CRTAC1: variants seen among roughly 807,000 people sequenced by gnomAD.
The protein encoded by CRTAC1 is cartilage acidic protein 1, also known as acidic secreted protein in cartilage.
A neutral mutation model predicts 67.8 loss-of-function variants in CRTAC1; 37 were observed. The ratio of observed to expected loss-of-function variants is 0.55; its 90% confidence interval spans 0.42 to 0.72. The LOEUF is 0.72. CRTAC1 is among the 30% of genes least tolerant of loss of function. The pLI, the probability that CRTAC1 is intolerant of heterozygous loss-of-function variation, is 0.00. For missense variants in CRTAC1, 780 were observed against 931.6 expected (o/e 0.84, Z 2.12); for synonymous variants, 348 against 371.0 (o/e 0.94, Z 0.71).
intron 2 of CRTAC1, among the ~76,000 whole-genome samples, chr10:98,005,393 C>A (rs1842771442): frequency 1.3e-5 from 2 of 150,712 alleles, no homozygotes; most frequent in Non-Finnish European, 3.0e-5. Flanking sequence ...GCGTGAGCCA[C>A]CATGCCTGGC....
At chr10:97,879,900 A>G (rs2050190385) in intron 14 of CRTAC1, 1 of 1,132,832 alleles carries the variant, frequency 8.8e-7, no homozygotes. Context: ...AGAAGAAATT[A>G]CCAGTTTAGA....
chr10:98,002,177 G>T (rs1202300785), intron 2 of CRTAC1, among the ~76,000 whole-genome samples: 13 of 152,180 alleles, frequency 8.5e-5, no homozygotes, highest in Admixed American at 8.5e-4. Context: ...ATTGGAGACA[G>T]GGCATACGTC....
chr10:97,953,225 G>A (rs555676146), intron 2 of CRTAC1, among the ~76,000 whole-genome samples: 6 of 152,236 alleles, frequency 3.9e-5, no homozygotes, highest in African/African-American at 1.4e-4. Context: ...TCAAGCCTAG[G>A]CATCTGCAAG....
intron 11 of CRTAC1, among the ~76,000 whole-genome samples, chr10:97,885,260 G>T (rs1279950560): frequency 6.6e-6 from 1 of 152,190 alleles, no homozygotes; most frequent in Non-Finnish European, 1.5e-5. Flanking sequence ...AGCTACTCAG[G>T]AGGATGAGGC....
At position 98,003,617 on chromosome 10, in the gene CRTAC1, A is replaced by G. The variant is rs1842732987; in HGVS notation, c.224+7521T>C. On this transcript the variant is annotated intron_variant, in intron 2 of 14. Coordinates refer to ENST00000370597, the MANE Select transcript of CRTAC1 (RefSeq NM_018058.7). ...TACATTGGGCCTACTCAGATAATCCAGAATATTCTCCCCATTCCAAGGTCT... is the reference window on the plus strand; with the variant it reads ...TACATTGGGCCTACTCAGATAATCCGGAATATTCTCCCCATTCCAAGGTCT... 2.0e-5 allele frequency among the ~76,000 whole-genome samples: 3 copies of G among 152,384 alleles called. No individual in the cohort carries two copies. In the South Asian group the frequency reaches 6.2e-4, roughly 32 times the overall value.
At chr10:97,912,416 C>T (rs1003456488) in intron 5 of CRTAC1, among the ~76,000 whole-genome samples, 2 of 152,170 alleles carry the variant, frequency 1.3e-5, no homozygotes, top group African/African-American at 4.8e-5. Context: ...CCCATTTCCC[C>T]TAGCCACATT....
At chr10:97,909,402 C>T (rs2050658515) in intron 5 of CRTAC1, among the ~76,000 whole-genome samples, 1 of 152,196 alleles carries the variant, frequency 6.6e-6, no homozygotes, top group African/African-American at 2.4e-5. Context: ...CTCTGTGACC[C>T]TGGGCAATTT....
intron 2 of CRTAC1, among the ~76,000 whole-genome samples, chr10:97,956,589 A>G (rs1285803811): frequency 1.3e-5 from 2 of 148,402 alleles, no homozygotes; most frequent in African/African-American, 4.9e-5. Flanking sequence ...CAAAACAGAA[A>G]ACCTACCACT....
intron 5 of CRTAC1, among the ~76,000 whole-genome samples, chr10:97,913,175 G>A (rs1423685488): frequency 6.6e-6 from 1 of 152,132 alleles, no homozygotes; most frequent in Admixed American, 6.5e-5. Context: ...TGGGATGTGA[G>A]GATCAAGTGC....
chr10:98,028,820 G>C lies in CRTAC1; in HGVS notation c.24+1629C>G, dbSNP rs1019482443. Among the ~76,000 whole-genome samples, 12 of 152,174 alleles carry C rather than the reference G, an allele frequency of 7.9e-5. 1 individual carries two copies. The highest frequency in any genetic ancestry group is 7.8e-4 in the Admixed American group (12 of 15,288). On this transcript the variant is annotated intron_variant, in intron 1 of 14. Transcript: ENST00000370597. Reference sequence around the variant, plus strand: ...CATAAAATATCTCCAGGCTGAAGCAGGTACCCTAGGAGTTTGAACATCCAC... The same window carrying C: ...CATAAAATATCTCCAGGCTGAAGCACGTACCCTAGGAGTTTGAACATCCAC...
At chr10:97,869,023 G>A (rs1056113606) in intron 14 of CRTAC1, 2 of 152,236 alleles carry the variant, frequency 1.3e-5, no homozygotes, top group Admixed American at 6.5e-5. Context: ...AAGTAACTGG[G>A]AAATTGCAGA....
In CRTAC1 at chr10:97,923,728, T is replaced by G. The variant is rs1266161827; in HGVS notation, c.422-328A>C. 2.6e-5 allele frequency among the ~76,000 whole-genome samples: 4 copies of G among 152,128 alleles called. No individual in the cohort carries two copies. In the East Asian group the frequency reaches 7.7e-4, roughly 29 times the overall value. Reference sequence around the variant, plus strand: ...CCTGCCCCGTGCTCCTGCAACAGCATCAAGGAGCTCCTGGGACTGCAATAC... The same window carrying G: ...CCTGCCCCGTGCTCCTGCAACAGCAGCAAGGAGCTCCTGGGACTGCAATAC... On this transcript the variant is annotated intron_variant, in intron 3 of 14. Transcript: ENST00000370597.
chr10:97,998,273 A>G (rs1227161193), intron 2 of CRTAC1, among the ~76,000 whole-genome samples: 1 of 152,228 alleles, frequency 6.6e-6, no homozygotes, highest in Non-Finnish European at 1.5e-5. Context: ...GTTCCTGGCC[A>G]AGGAAAGACT....
intron 2 of CRTAC1, among the ~76,000 whole-genome samples, chr10:97,947,830 A>C (rs1479221709): frequency 2.6e-5 from 4 of 152,164 alleles, no homozygotes; most frequent in Admixed American, 1.3e-4. Flanking sequence ...AGTTGGGAGG[A>C]TCGCTTGAGA....
At chr10:97,890,609 C>T (rs1326031100) in intron 11 of CRTAC1, among the ~76,000 whole-genome samples, 7 of 152,152 alleles carry the variant, frequency 4.6e-5, no homozygotes, top group East Asian at 3.9e-4. Flanking sequence ...GTTGCCCCTT[C>T]CTCTCTGCAC....
At position 98,030,379 on chromosome 10, in the gene CRTAC1, C is replaced by T; in HGVS notation, c.24+70G>A. ...GTCCCCGCCACCCTTGCGGGCGGAT[C>T]CGGGGGGGCGCGCAGAGCTGGAGAA... On this transcript the variant is annotated intron_variant, in intron 1 of 14. Transcript: ENST00000370597. This position sits in a 1 kb window ranked among gnomAD's most constrained non-coding sequence, Gnocchi z 4.2. 9.9e-7 allele frequency: 1 copy of T among 1,013,836 alleles called. No individual in the cohort carries two copies. Among genetic ancestry groups the T allele is most frequent in the Non-Finnish European group, 1.3e-6 (1 of 774,726 alleles). 62.8% of individuals were successfully genotyped at this position (1,013,836 alleles called of 1,614,324 possible).
chr10:97,917,486 G>A lies in CRTAC1; in HGVS notation c.715+14C>T. 1 of 1,495,324 alleles carries A rather than the reference G, an allele frequency of 6.7e-7. No individual in the cohort carries two copies. The allele number at this position is 1,495,324 out of a possible 1,614,324, so 92.6% of individuals were successfully genotyped here. A position where few individuals can be genotyped will look rare whatever the true frequency, so the allele number is the denominator to read the frequency against. ...GCCCCTCCAGCATACTACCTCCCAT[G>A]TCACTCTGCATACCTGTATATTTGC... On this transcript the variant is annotated intron_variant, in intron 5 of 14. Coordinates refer to ENST00000370597, the MANE Select transcript of CRTAC1 (RefSeq NM_018058.7).
chr10:97,939,202 C>G (rs1443733659), intron 2 of CRTAC1, among the ~76,000 whole-genome samples: 1 of 152,200 alleles, frequency 6.6e-6, no homozygotes, highest in Non-Finnish European at 1.5e-5. Context: ...TATTGGAGTC[C>G]AGTCCTTCTA....
chr10:97,901,417 C>T, intron 8 of CRTAC1, 86 bp downstream of exon 8: 2 of 1,559,062 alleles, frequency 1.3e-6, no homozygotes, highest in East Asian at 2.3e-5. Flanking sequence ...GGAACCCTCC[C>T]CTTCTGATTC....
Sources: gnomAD v4.1 joint callset for allele counts (sites outside exome capture counted in the v4.1 genomes callset) on GRCh38, gnomAD v4.1.1 for gene constraint, Gnocchi (gnomAD v3.1) non-coding constraint, MANE v1.5 for transcripts, NCBI Gene and HGNC (gene_info 2026-07-23, HGNC 2026-07-21) for gene names.